Variants in PUDP observed in about 807,000 individuals in gnomAD.
The protein encoded by PUDP is pseudouridine 5'-phosphatase, also known as pseudouridine-5'-phosphatase.
A neutral mutation model predicts 9.4 loss-of-function variants in PUDP; 8 were observed. The observed-to-expected ratio is 0.85, with a 90% confidence interval of 0.50 to 1.53. The LOEUF is 1.53. PUDP is among the 40% of genes most tolerant of loss of function. The pLI is 0.00. For synonymous variants in PUDP, 99 were observed against 80.7 expected (o/e 1.23, Z -1.22); for missense variants, 188 against 189.7 (o/e 0.99, Z 0.05).
At chrX:7,075,970 GCCTTAACCTTCGGGGTCTGGGCTAA>G (rs984112291) in intron 3 of PUDP, among the ~76,000 whole-genome samples, 6 of 110,836 alleles carry the variant, frequency 5.4e-5, no homozygotes, top group African/African-American at 1.6e-4. Flanking sequence ...TGGGACTGGG[GCCTTAACCTTCGGGGTCTGGGCTAA>G]CCGTAGGAGT....
At chrX:6,960,451 C>A (rs1255349086) in intron 3 of PUDP, among the ~76,000 whole-genome samples, 1 of 111,987 alleles carries the variant, frequency 8.9e-6, no homozygotes, top group Non-Finnish European at 1.9e-5. Context: ...CTCTCTCACC[C>A]TCTTTGCCCT....
intron 1 of PUDP, among the ~76,000 whole-genome samples, chrX:6,978,928 T>C (rs996210497): frequency 1.8e-5 from 2 of 112,136 alleles, no homozygotes; most frequent in African/African-American, 6.5e-5. Flanking sequence ...AATAGAATCC[T>C]TGCTTCTTAA....
intron 3 of PUDP, among the ~76,000 whole-genome samples, chrX:6,766,713 C>G (rs574558739): frequency 4.5e-5 from 5 of 111,582 alleles, no homozygotes; most frequent in African/African-American, 1.6e-4. Context: ...ACACAAAGAT[C>G]TCTCATGTTG....
chrX:7,063,701 T>C lies in PUDP; in HGVS notation c.511-13229A>G, dbSNP rs775965881. 3.6e-5 allele frequency among the ~76,000 whole-genome samples: 4 copies of C among 111,957 alleles called. No individual in the cohort carries two copies. In the South Asian group the frequency reaches 1.1e-3, roughly 32 times the overall value. Reference sequence around the variant, plus strand: ...CTCTGTCGCCCAGGCTCGGGTGCAGTGGTGCAATCACAGCTCACTGCAGCC... The same window carrying C: ...CTCTGTCGCCCAGGCTCGGGTGCAGCGGTGCAATCACAGCTCACTGCAGCC... On this transcript the variant is annotated intron_variant, in intron 3 of 3. Coordinates refer to ENST00000381077, the MANE Select transcript of PUDP (RefSeq NM_012080.5).
chrX:6,976,453 T>G (rs1269591011), intron 3 of PUDP, among the ~76,000 whole-genome samples: 1 of 111,627 alleles, frequency 9.0e-6, no homozygotes, highest in Non-Finnish European at 1.9e-5. Context: ...GGCTAGAGGA[T>G]GGAGTTCCCC....
chrX:6,875,336 C>T (rs1020412362), intron 3 of PUDP, among the ~76,000 whole-genome samples: 1 of 111,869 alleles, frequency 8.9e-6, no homozygotes, highest in South Asian at 3.7e-4. Context: ...GAGGCATGAG[C>T]CACTGCACCC....
intron 3 of PUDP, among the ~76,000 whole-genome samples, chrX:6,950,742 T>C (rs1003844306): frequency 9.0e-6 from 1 of 111,495 alleles, no homozygotes; most frequent in Non-Finnish European, 1.9e-5. Flanking sequence ...TTAGAAGTCA[T>C]GTTTTTAAAA....
intron 3 of PUDP, among the ~76,000 whole-genome samples, chrX:6,870,237 G>T (rs1927154516): frequency 8.9e-6 from 1 of 111,801 alleles, no homozygotes; most frequent in Non-Finnish European, 1.9e-5. Context: ...ATGGGAGGTG[G>T]TGGTCATTGT....
intron 2 of PUDP, among the ~76,000 whole-genome samples, chrX:7,094,602 C>T (rs1285804220): frequency 1.8e-5 from 2 of 110,761 alleles, no homozygotes; most frequent in Admixed American, 9.6e-5. Flanking sequence ...CCTCGTGATC[C>T]GCCCGTCTCG....
upstream of PUDP, among the ~76,000 whole-genome samples, chrX:6,723,616 TCAC>T (rs1412203830): frequency 9.2e-6 from 1 of 108,290 alleles, no homozygotes; most frequent in East Asian, 2.9e-4. Context: ...GGAGAGAAGA[TCAC>T]TTGAGCCCAG....
chrX:6,944,903 C>G (rs190073159), intron 3 of PUDP, among the ~76,000 whole-genome samples: 89 of 111,682 alleles, frequency 8.0e-4, no homozygotes, highest in African/African-American at 2.5e-3. Context: ...ACAAAACTTT[C>G]CCTCCTTATC....
intron 1 of PUDP, among the ~76,000 whole-genome samples, chrX:7,107,714 G>C (rs1277271186): frequency 1.8e-5 from 2 of 112,433 alleles, no homozygotes; most frequent in Admixed American, 9.3e-5. Context: ...TGTAATCCCA[G>C]CTACTCAGGA....
chrX:6,876,876 AAT>A (rs1423257205), intron 3 of PUDP, among the ~76,000 whole-genome samples: 2 of 109,098 alleles, frequency 1.8e-5, no homozygotes, highest in African/African-American at 6.7e-5. Context: ...CACACATATA[AAT>A]ATAGACACAT....
At chrX:7,090,731 C>A (rs2146882097) in intron 2 of PUDP, among the ~76,000 whole-genome samples, 1 of 111,628 alleles carries the variant, frequency 9.0e-6, no homozygotes, top group South Asian at 3.8e-4. Context: ...CTCAGTCTTA[C>A]AGGGACAGGC....
At chrX:6,893,922 A>G (rs1460480782) in intron 3 of PUDP, among the ~76,000 whole-genome samples, 1 of 112,050 alleles carries the variant, frequency 8.9e-6, no homozygotes, top group Non-Finnish European at 1.9e-5. Flanking sequence ...TCAGCCAGAA[A>G]AAGGAACGAG....
intron 3 of PUDP, among the ~76,000 whole-genome samples, chrX:6,749,225 A>T (rs1451954806): frequency 4.5e-5 from 5 of 112,331 alleles, no homozygotes; most frequent in African/African-American, 1.6e-4. Flanking sequence ...GGCAAAAGCC[A>T]GTGTGAGAAA....
chrX:6,962,660 T>C (rs1436315355), intron 3 of PUDP, among the ~76,000 whole-genome samples: 2 of 112,663 alleles, frequency 1.8e-5, no homozygotes, highest in East Asian at 2.8e-4. Flanking sequence ...ATTTTACTTT[T>C]TGTTTTTTGA....
intron 3 of PUDP, among the ~76,000 whole-genome samples, chrX:6,915,835 A>G (rs1166829647): frequency 9.0e-6 from 1 of 111,204 alleles, no homozygotes; most frequent in Non-Finnish European, 1.9e-5. Context: ...CCTAGGTGTT[A>G]TAATATGTGA....
chrX:6,730,261 C>T (rs1418043209), intron 3 of PUDP, among the ~76,000 whole-genome samples: 1 of 112,182 alleles, frequency 8.9e-6, no homozygotes, highest in African/African-American at 3.2e-5. Context: ...CTGACATGAT[C>T]GCCTGGCTGA....
Sources: gnomAD v4.1 joint callset for allele counts (sites outside exome capture counted in the v4.1 genomes callset) on GRCh38, gnomAD v4.1.1 for gene constraint, MANE v1.5 for transcripts, NCBI Gene and HGNC (gene_info 2026-07-23, HGNC 2026-07-21) for gene names.